The following TNIK variants were observed in gnomAD, a reference collection of about 807,000 sequenced individuals.
TNIK encodes the protein TRAF2 and NCK-interacting protein kinase.
TNIK carries 49 observed loss-of-function variants against 191.3 expected under a neutral mutation model. The observed-to-expected ratio is 0.26, with a 90% CI of 0.20 to 0.32. The LOEUF (loss-of-function observed/expected upper bound fraction) is 0.32. TNIK is among the 10% of genes least tolerant of loss of function. The pLI is 1.00. For synonymous variants in TNIK, 594 were observed against 600.9 expected (o/e 0.99, Z 0.17); for missense variants, 1,155 against 1,702.3 (o/e 0.68, Z 5.66).
At position 171,306,355 on chromosome 3, in the gene TNIK, G is replaced by A. The variant is rs1429875512; in HGVS notation, c.123+63265C>T. Among the ~76,000 whole-genome samples the A allele has an allele frequency of 3.9e-5, 6 of 152,090 alleles. 1 individual carries two copies. The East Asian group carries it at 1.2e-3, about 29-fold the overall frequency. On this transcript the variant is annotated intron_variant, in intron 2 of 32. Transcript: ENST00000436636. ...GTAACAAACCTGCACGTGTACCCCT[G>A]AAGCTAAAGTAAAAGTTAAAATTTA...
intron 12 of TNIK, among the ~76,000 whole-genome samples, chr3:171,155,267 G>A (rs1424337655): frequency 1.3e-5 from 2 of 152,214 alleles, no homozygotes; most frequent in Non-Finnish European, 2.9e-5. Context: ...CATAGAAGGG[G>A]ACCTGGCAGG....
At chr3:171,085,056 A>G in intron 25 of TNIK, 62 bp downstream of exon 25, 1 of 1,337,424 alleles carries the variant, frequency 7.5e-7, no homozygotes, top group South Asian at 1.4e-5. Context: ...TAATTTCCTT[A>G]TCAGGTCATA....
At chr3:171,302,372 T>A (rs922973230) in intron 2 of TNIK, among the ~76,000 whole-genome samples, 1 of 152,194 alleles carries the variant, frequency 6.6e-6, no homozygotes, top group African/African-American at 2.4e-5. Flanking sequence ...AGAATAAATA[T>A]GCTTCAGAAA....
intron 3 of TNIK, among the ~76,000 whole-genome samples, chr3:171,214,762 G>GTTAACC: frequency 6.6e-6 from 1 of 152,102 alleles, no homozygotes; most frequent in African/African-American, 2.4e-5. Flanking sequence ...CCTCAGCCAT[G>GTTAACC]GCATTTAAAC....
intron 2 of TNIK, among the ~76,000 whole-genome samples, chr3:171,356,428 C>T (rs1416748862): frequency 6.6e-6 from 1 of 152,116 alleles, no homozygotes; most frequent in Non-Finnish European, 1.5e-5. Context: ...CACAGTGTCC[C>T]CATTTACTAA....
chr3:171,266,231 A>G (rs1366472833), intron 2 of TNIK, among the ~76,000 whole-genome samples: 1 of 152,252 alleles, frequency 6.6e-6, no homozygotes, highest in African/African-American at 2.4e-5. Flanking sequence ...TGAGTTTTAG[A>G]AAATGAAACA....
At chr3:171,157,092 G>A (rs1457821029) in intron 12 of TNIK, among the ~76,000 whole-genome samples, 1 of 152,216 alleles carries the variant, frequency 6.6e-6, no homozygotes, top group Non-Finnish European at 1.5e-5. Flanking sequence ...AAAAGTATAT[G>A]TAGACTATAT....
chr3:171,290,741 T>G (rs1484646158), intron 2 of TNIK, among the ~76,000 whole-genome samples: 1 of 152,210 alleles, frequency 6.6e-6, no homozygotes, highest in Admixed American at 6.5e-5. Context: ...CCATAATGAC[T>G]GAATGTACAG....
At chr3:171,259,138 ATG>A (rs1161923323) in intron 2 of TNIK, among the ~76,000 whole-genome samples, 3 of 152,058 alleles carry the variant, frequency 2.0e-5, no homozygotes, top group Non-Finnish European at 2.9e-5. Flanking sequence ...GAGAGAGTGT[ATG>A]TGTGTGTGTA....
intron 2 of TNIK, among the ~76,000 whole-genome samples, chr3:171,335,348 T>G (rs1756856231): frequency 6.6e-6 from 1 of 152,190 alleles, no homozygotes; most frequent in African/African-American, 2.4e-5. Flanking sequence ...AAATGTACAG[T>G]TTGATGAATT....
chr3:171,244,387 G>A (rs1745355685), intron 2 of TNIK, among the ~76,000 whole-genome samples: 1 of 152,074 alleles, frequency 6.6e-6, no homozygotes, highest in Admixed American at 6.6e-5. Flanking sequence ...TTAACTTTGT[G>A]CTTACTTAGT....
At chr3:171,439,343 CAAA>C (rs557225889) in intron 1 of TNIK, among the ~76,000 whole-genome samples, 1 of 97,542 alleles carries the variant, frequency 1.0e-5, no homozygotes, top group Admixed American at 1.2e-4. Context: ...GACTCTGTCT[CAAA>C]AAAAAAAAAA....
At chr3:171,304,102 G>C (rs994848499) in intron 2 of TNIK, among the ~76,000 whole-genome samples, 1 of 152,092 alleles carries the variant, frequency 6.6e-6, no homozygotes, top group Non-Finnish European at 1.5e-5. Flanking sequence ...TGTAAAAAGA[G>C]AGACCAGAAG....
rs1394954179 is a variant in TNIK at position 171,082,482 on chromosome 3, GA to G, written c.3170-89del. On this transcript the variant is annotated intron_variant, in intron 26 of 32. Transcript: ENST00000436636. Reference sequence around the variant, plus strand: ...GTCCCTATAAAATTTAAGAAACTGTGACTTGTAAATATACACTAATGGGCAA... The same window carrying G: ...GTCCCTATAAAATTTAAGAAACTGTGCTTGTAAATATACACTAATGGGCAA... 4.3e-5 allele frequency: 64 copies of G among 1,479,872 alleles called. No homozygotes were observed. In the East Asian group the frequency reaches 1.4e-3, roughly 32 times the overall value. The allele number at this position is 1,479,872 out of a possible 1,614,324, so 91.7% of individuals were successfully genotyped here.
At chr3:171,178,451 T>C (rs1394113025) in intron 7 of TNIK, among the ~76,000 whole-genome samples, 1 of 152,166 alleles carries the variant, frequency 6.6e-6, no homozygotes, top group Non-Finnish European at 1.5e-5. Flanking sequence ...TAGAGGCCAG[T>C]ATACCTTTAT....
chr3:171,102,871 T>G (rs1723820412), intron 21 of TNIK, among the ~76,000 whole-genome samples: 1 of 152,202 alleles, frequency 6.6e-6, no homozygotes. Context: ...TAAATGTGTA[T>G]AGTTAAATTA....
intron 3 of TNIK, among the ~76,000 whole-genome samples, chr3:171,225,369 C>G (rs1191339368): frequency 1.3e-5 from 2 of 152,190 alleles, no homozygotes; most frequent in Admixed American, 1.3e-4. Flanking sequence ...TGTTTGCCTT[C>G]GTTAAAAGTC....
At chr3:171,453,086 T>C (rs942948763) in intron 1 of TNIK, among the ~76,000 whole-genome samples, 2 of 152,176 alleles carry the variant, frequency 1.3e-5, no homozygotes, top group Non-Finnish European at 2.9e-5. Context: ...TCTCTCTACA[T>C]AGCACCACCT....
intron 3 of TNIK, among the ~76,000 whole-genome samples, chr3:171,223,701 A>G (rs192194209): frequency 5.9e-4 from 90 of 152,302 alleles, no homozygotes; most frequent in African/African-American, 2.1e-3. Context: ...GAATTAATAT[A>G]TAGAAAGTAT....
Sources: allele counts gnomAD v4.1 joint callset (sites outside exome capture counted in the v4.1 genomes callset), GRCh38; gene constraint gnomAD v4.1.1; transcripts MANE v1.5; gene names NCBI Gene and HGNC (gene_info 2026-07-23, HGNC 2026-07-21).